Variants in RPS6KA3 observed in about 807,000 individuals in gnomAD.
RPS6KA3 encodes the protein ribosomal protein S6 kinase A3.
Under a neutral mutation model 67.2 loss-of-function variants are expected in RPS6KA3, and 4 were observed. That is an observed-to-expected ratio of 0.06 (90% CI 0.03 to 0.14). The LOEUF is 0.14. Ranked by LOEUF, RPS6KA3 falls within the 10% of genes least tolerant of loss-of-function variation. The probability of loss-of-function intolerance (pLI) is 1.00; values close to 1 mark genes in which losing one functional copy is unlikely to be tolerated. For synonymous variants in RPS6KA3, 182 were observed against 183.7 expected (o/e 0.99, Z 0.07); for missense variants, 204 against 559.0 (o/e 0.36, Z 6.40).
intron 10 of RPS6KA3, among the ~76,000 whole-genome samples, chrX:20,181,281 TAAAAAAGG>T: frequency 9.0e-6 from 1 of 111,405 alleles, no homozygotes; most frequent in Non-Finnish European, 1.9e-5. Flanking sequence ...TTTTTATAAT[TAAAAAAGG>T]AAAAACAGGA....
intron 3 of RPS6KA3, among the ~76,000 whole-genome samples, chrX:20,205,796 T>G (rs752532800): frequency 1.8e-5 from 2 of 112,669 alleles, no homozygotes; most frequent in Non-Finnish European, 3.7e-5. Context: ...TCCCTAACCA[T>G]TCTGCAAGAA....
intron 1 of RPS6KA3, among the ~76,000 whole-genome samples, chrX:20,254,845 G>A (rs773641113): frequency 1.1e-3 from 122 of 111,905 alleles, no homozygotes; most frequent in African/African-American, 3.3e-3. Context: ...ATAAGTGATG[G>A]CAAGGATACG....
intron 1 of RPS6KA3, among the ~76,000 whole-genome samples, chrX:20,262,470 A>G (rs1356987960): frequency 1.8e-5 from 2 of 112,212 alleles, no homozygotes; most frequent in Admixed American, 9.4e-5. Flanking sequence ...AAGTCTGCCT[A>G]TATTTGCTCC....
intron 1 of RPS6KA3, among the ~76,000 whole-genome samples, chrX:20,251,930 T>C: frequency 8.9e-6 from 1 of 112,344 alleles, no homozygotes; most frequent in East Asian, 2.8e-4. Context: ...CAGTTTCTTT[T>C]TTCCCTTTCT....
At position 20,186,343 on chromosome X, in the gene RPS6KA3, G is replaced by A. The variant is rs2230488; in HGVS notation, c.798C>T (p.Leu266=). 8.5e-7 allele frequency: 1 copy of A among 1,181,877 alleles called. No homozygotes were observed. Reference sequence around the variant, plus strand: ...CTTTTCGATCTTTTCCTTGGAAAGGGAGTGTACCAGTAAGCATTTCAAACT... The same window carrying A: ...CTTTTCGATCTTTTCCTTGGAAAGGAAGTGTACCAGTAAGCATTTCAAACT... ...VLMFEMLTGT[L]PFQGKDRKET... The change falls in exon 10 of 22, where the codon CTC becomes CTT. Residue 266 remains leucine (L), a synonymous_variant. Transcript: ENST00000379565.
intron 1 of RPS6KA3, among the ~76,000 whole-genome samples, chrX:20,262,156 G>A (rs1312156972): frequency 8.9e-6 from 1 of 111,949 alleles, no homozygotes; most frequent in Non-Finnish European, 1.9e-5. Flanking sequence ...AACCAGGCAA[G>A]TGTGACCTTA....
intron 18 of RPS6KA3, 35 bp from the exon 19 acceptor site, chrX:20,163,075 C>T (rs1465878852): frequency 2.3e-6 from 2 of 860,708 alleles, no homozygotes; most frequent in Non-Finnish European, 1.7e-6. Context: ...TACTATACCA[C>T]CATTTTGTAT....
intron 3 of RPS6KA3, 114 bp from the exon 4 acceptor site, chrX:20,204,217 G>T: frequency 2.0e-6 from 1 of 492,485 alleles, no homozygotes; most frequent in Non-Finnish European, 3.5e-6. Context: ...CAGATATACT[G>T]TAGATTATTT....
chrX:20,205,842 C>T (rs1224747346), intron 3 of RPS6KA3, among the ~76,000 whole-genome samples: 2 of 112,576 alleles, frequency 1.8e-5, no homozygotes, highest in African/African-American at 6.5e-5. Context: ...TTCAACTGTT[C>T]TTTGAATGCA....
intron 2 of RPS6KA3, among the ~76,000 whole-genome samples, chrX:20,218,300 C>T (rs1359185272): frequency 8.9e-6 from 1 of 112,099 alleles, no homozygotes; most frequent in Admixed American, 9.5e-5. Flanking sequence ...CTTAAAGTTA[C>T]TTAAATATGG....
intron 3 of RPS6KA3, among the ~76,000 whole-genome samples, chrX:20,206,724 G>A (rs1281462116): frequency 8.9e-6 from 1 of 112,274 alleles, no homozygotes; most frequent in African/African-American, 3.2e-5. Flanking sequence ...TATAACCAGG[G>A]AACATAACCT....
rs2067150415 is a variant in RPS6KA3 at position 20,154,394 on chromosome X, A to G, written c.*1004T>C. 1 of 112,372 alleles carries G rather than the reference A, an allele frequency of 8.9e-6. No individual in the cohort carries two copies. Among genetic ancestry groups the G allele is most frequent in the Non-Finnish European group, 1.9e-5 (1 of 53,283 alleles). The allele number at this position is 112,372 out of a possible 1,213,427, so 9.3% of individuals were successfully genotyped here. A position where few individuals can be genotyped will look rare whatever the true frequency, so the allele number is the denominator to read the frequency against. The stretch of plus-strand genomic sequence containing the variant: ...ATTTAAACATGAAATATCCAATAGG[A>G]CTTCAATTACCTGTTGCTAAATTTT... On this transcript the variant is annotated 3_prime_UTR_variant, in exon 22 of 22. Coordinates refer to ENST00000379565, the MANE Select transcript of RPS6KA3 (RefSeq NM_004586.3).
intron 7 of RPS6KA3, among the ~76,000 whole-genome samples, chrX:20,190,262 A>C (rs753628700): frequency 3.6e-5 from 4 of 112,042 alleles, no homozygotes; most frequent in Non-Finnish European, 5.6e-5. Context: ...CATATTTATT[A>C]CAACAGAGTT....
intron 4 of RPS6KA3, among the ~76,000 whole-genome samples, chrX:20,200,642 C>G (rs1275915865): frequency 9.0e-6 from 1 of 111,261 alleles, no homozygotes. Flanking sequence ...TAATAATATC[C>G]TATTAAGTGG....
At chrX:20,217,781 G>C (rs1211636048) in intron 2 of RPS6KA3, among the ~76,000 whole-genome samples, 1 of 111,737 alleles carries the variant, frequency 8.9e-6, no homozygotes, top group Admixed American at 9.5e-5. Flanking sequence ...ATTTTAAAAA[G>C]ATATGTTAAC....
chrX:20,224,457 G>A (rs2069060925), intron 2 of RPS6KA3, among the ~76,000 whole-genome samples: 1 of 107,698 alleles, frequency 9.3e-6, no homozygotes, highest in Non-Finnish European at 1.9e-5. Context: ...GAACCCTGTT[G>A]AAAAAAAAAT....
intron 1 of RPS6KA3, among the ~76,000 whole-genome samples, chrX:20,259,532 CTT>C (rs1196090220): frequency 3.6e-5 from 4 of 111,534 alleles, no homozygotes; most frequent in Non-Finnish European, 3.8e-5. Flanking sequence ...AAACAAAACT[CTT>C]GACAGTTAAA....
chrX:20,218,555 A>AAAAAAC (rs2148754809), intron 2 of RPS6KA3, among the ~76,000 whole-genome samples: 2 of 111,958 alleles, frequency 1.8e-5, no homozygotes, highest in Non-Finnish European at 3.8e-5. Flanking sequence ...CTAGCACTAA[A>AAAAAAC]AAAAACAAAA....
At chrX:20,228,487 C>T (rs901528232) in intron 2 of RPS6KA3, among the ~76,000 whole-genome samples, 2 of 111,503 alleles carry the variant, frequency 1.8e-5, no homozygotes, top group African/African-American at 6.5e-5. Flanking sequence ...TCCCTGTTTC[C>T]AGCCCAGTGC....
Sources: gnomAD v4.1 joint callset for allele counts (sites outside exome capture counted in the v4.1 genomes callset) on GRCh38, gnomAD v4.1.1 for gene constraint, MANE v1.5 for transcripts, NCBI Gene and HGNC (gene_info 2026-07-23, HGNC 2026-07-21) for gene names.